Variants in SCN4B observed in about 807,000 individuals in gnomAD.
SCN4B encodes sodium voltage-gated channel beta subunit 4, also known as sodium channel regulatory subunit beta-4.
A neutral mutation model predicts 19.6 loss-of-function variants in SCN4B; 20 were observed. The ratio of observed to expected loss-of-function variants is 1.02; its 90% CI spans 0.72 to 1.48. The LOEUF (loss-of-function observed/expected upper bound fraction) is 1.48, where lower values mean the gene tolerates loss of function less well. Among genes scored for constraint, SCN4B ranks in the 40% most tolerant of loss-of-function variants. SCN4B has a pLI of 0.00. For missense variants in SCN4B, 271 were observed against 287.5 expected, an observed-to-expected ratio of 0.94 and a Z score of 0.42; for synonymous variants, 127 against 122.8, an observed-to-expected ratio of 1.03 and a Z score of -0.22.
chr11:118,133,886 C>G lies in SCN4B; in HGVS notation c.*3141G>C, dbSNP rs745426856. On this transcript the variant is annotated 3_prime_UTR_variant, in exon 5 of 5. Transcript: ENST00000324727. ...CTTTCTCAGTCTCCAGATGCCTCAA[C>G]AGGCATAGCTCAGGCCAAGAAAGAC... The G allele has an allele frequency of 2.2e-6, 1 of 454,464 alleles. No individual in the cohort carries two copies. Among genetic ancestry groups the G allele is most frequent in the Admixed American group, 2.3e-5 (1 of 42,580 alleles). 28.2% of individuals were successfully genotyped at this position (454,464 alleles called of 1,614,324 possible).
rs1031697612 is a variant in SCN4B, at chr11:118,152,757, G to A, written c.-84C>T. On this transcript the variant is annotated 5_prime_UTR_variant, in exon 1 of 5. Transcript: ENST00000324727. ...CGCTCTCCGCCCGAGGTCGGCGTTC[G>A]GCCACAAAGCTACCCCGGAGCTCTG... is the stretch of plus-strand genomic sequence containing the variant. 12 of 1,140,388 alleles carry A rather than the reference G, an allele frequency of 1.1e-5. No individual in the cohort carries two copies. Among genetic ancestry groups the A allele is most frequent in the Non-Finnish European group, 1.5e-5 (12 of 811,102 alleles). 70.6% of individuals were successfully genotyped at this position (1,140,388 alleles called of 1,614,324 possible). A position where few individuals can be genotyped will look rare whatever the true frequency, so the allele number is the denominator to read the frequency against.
intron 1 of SCN4B, among the ~76,000 whole-genome samples, chr11:118,146,886 ACCAGGGCT>A (rs1948183795): frequency 1.3e-5 from 2 of 152,174 alleles, no homozygotes; most frequent in Non-Finnish European, 2.9e-5. Flanking sequence ...AGATCTACCC[ACCAGGGCT>A]CCAATTAGTG....
chr11:118,135,489 T>C lies in SCN4B; in HGVS notation c.*1538A>G, dbSNP rs900330918. On this transcript the variant is annotated 3_prime_UTR_variant, in exon 5 of 5. Coordinates refer to ENST00000324727, the MANE Select transcript of SCN4B (RefSeq NM_174934.4). ...ATTGGAAGTAGATGGGCAGAGAGGCTTGTTACCACTTTTCCCTGCCATCCC... is the reference window on the plus strand; with the variant it reads ...ATTGGAAGTAGATGGGCAGAGAGGCCTGTTACCACTTTTCCCTGCCATCCC... 1.8e-5 allele frequency: 8 copies of C among 453,936 alleles called. No homozygotes were observed. Among genetic ancestry groups the C allele is most frequent in the Non-Finnish European group, 3.5e-5 (8 of 226,772 alleles). 28.1% of individuals were successfully genotyped at this position (453,936 alleles called of 1,614,324 possible). A position where few individuals can be genotyped will look rare whatever the true frequency, so the allele number is the denominator to read the frequency against.
At chr11:118,144,632 G>C (rs553412955) in intron 2 of SCN4B, among the ~76,000 whole-genome samples, 2 of 152,166 alleles carry the variant, frequency 1.3e-5, no homozygotes, top group South Asian at 2.1e-4. Context: ...CCGCGCCAAT[G>C]CTCCTGCAGC....
intron 3 of SCN4B, chr11:118,143,008 G>A (rs537112034): frequency 1.3e-5 from 2 of 152,378 alleles, no homozygotes; most frequent in East Asian, 3.9e-4. Flanking sequence ...TGTCATCCAG[G>A]AGAGCAGCAA....
At chr11:118,145,576 G>T in intron 1 of SCN4B, 2 of 806,542 alleles carry the variant, frequency 2.5e-6, no homozygotes, top group South Asian at 1.7e-5. Flanking sequence ...GCCTGGAAGC[G>T]CTCCTGCCGC....
At chr11:118,137,171 G>A (rs761093370) in intron 4 of SCN4B, 51 bp from the exon 5 acceptor site, 1 of 1,387,180 alleles carries the variant, frequency 7.2e-7, no homozygotes, top group South Asian at 1.2e-5. Context: ...CAAGAGTAGG[G>A]GGAGAATTGT....
intron 4 of SCN4B, among the ~76,000 whole-genome samples, chr11:118,140,285 C>T (rs143793759): frequency 7.7e-4 from 118 of 152,288 alleles, no homozygotes; most frequent in African/African-American, 2.6e-3. Flanking sequence ...CTGGGGTCCT[C>T]CCCTGCTCCC....
Position 118,134,540 on chromosome 11 carries a change from C to G in SCN4B, c.*2487G>C, listed in dbSNP as rs886047718. ...TTAGTAGTGCCCCCACGCATGGGGG[C>G]AACCAAAAATGCCCCCCCTACAATC... On this transcript the variant is annotated 3_prime_UTR_variant, in exon 5 of 5. Transcript: ENST00000324727. 3 of 453,962 alleles carry G rather than the reference C, an allele frequency of 6.6e-6. No homozygotes were observed. 28.1% of individuals were successfully genotyped at this position (453,962 alleles called of 1,614,324 possible).
chr11:118,134,803 C>T lies in SCN4B; in HGVS notation c.*2224G>A, dbSNP rs1183627220. On this transcript the variant is annotated 3_prime_UTR_variant, in exon 5 of 5. Coordinates refer to ENST00000324727, the MANE Select transcript of SCN4B (RefSeq NM_174934.4). ...ATACCTGGCTTCCCAGATCCCTTTC[C>T]AAGCCAAAAAGATGTTTTTAGACAA... 4.4e-6 allele frequency: 2 copies of T among 454,032 alleles called. No individual in the cohort carries two copies. The highest frequency in any genetic ancestry group is 8.8e-6 in the Non-Finnish European group (2 of 226,754). 28.1% of individuals were successfully genotyped at this position (454,032 alleles called of 1,614,324 possible).
rs552289279 is a variant in SCN4B, at chr11:118,148,137, C to T, written c.62-2908G>A. ...TGCAAGTGAAGCATTGCCATTTCCT[C>T]AGTAGCTGGGAGGGGAAAATGAAAA... is the stretch of plus-strand genomic sequence containing the variant. On this transcript the variant is annotated intron_variant, in intron 1 of 4. Transcript: ENST00000324727. The surrounding 1 kb of genome is among the most constrained non-coding windows in gnomAD (Gnocchi z 4.0). Among the ~76,000 whole-genome samples, 1 of 152,314 alleles carries T rather than the reference C, an allele frequency of 6.6e-6. No homozygotes were observed. Among genetic ancestry groups the T allele is most frequent in the Admixed American group, 6.5e-5 (1 of 15,314 alleles).
intron 3 of SCN4B, 42 bp downstream of exon 3, chr11:118,143,791 T>G (rs767835055): frequency 2.7e-6 from 4 of 1,482,468 alleles, no homozygotes; most frequent in Admixed American, 3.4e-5. Flanking sequence ...GCCTCCCAAG[T>G]CCTTCCCACG....
intron 3 of SCN4B, chr11:118,141,828 CA>C (rs1948103056): frequency 5.2e-6 from 1 of 192,704 alleles, no homozygotes; most frequent in African/African-American, 2.4e-5. Flanking sequence ...CAATGTTGGG[CA>C]GGTCATTGAA....
intron 1 of SCN4B, among the ~76,000 whole-genome samples, chr11:118,146,678 C>G (rs1355551372): frequency 1.3e-5 from 2 of 152,212 alleles, no homozygotes; most frequent in African/African-American, 4.8e-5. Flanking sequence ...TAAAATCACA[C>G]CCCGTGGTCC....
At position 118,134,530 on chromosome 11, in the gene SCN4B, C is replaced by T. The variant is rs181429015; in HGVS notation, c.*2497G>A. ...TTTAGCATTCTTAGTAGTGCCCCCA[C>T]GCATGGGGGCAACCAAAAATGCCCC... On this transcript the variant is annotated 3_prime_UTR_variant, in exon 5 of 5. Coordinates refer to ENST00000324727, the MANE Select transcript of SCN4B (RefSeq NM_174934.4). The T allele has an allele frequency of 7.8e-4, 356 of 454,084 alleles. No individual in the cohort carries two copies. Among genetic ancestry groups the T allele is most frequent in the African/African-American group, 5.5e-3 (275 of 50,114 alleles). 28.1% of individuals were successfully genotyped at this position (454,084 alleles called of 1,614,324 possible). A position where few individuals can be genotyped will look rare whatever the true frequency, so the allele number is the denominator to read the frequency against.
chr11:118,133,999 C>A lies in SCN4B; in HGVS notation c.*3028G>T, dbSNP rs751817814. 3.1e-5 allele frequency: 14 copies of A among 454,638 alleles called. No homozygotes were observed. Among genetic ancestry groups the A allele is most frequent in the Non-Finnish European group, 5.3e-5 (12 of 226,794 alleles). 28.2% of individuals were successfully genotyped at this position (454,638 alleles called of 1,614,324 possible). A position where few individuals can be genotyped will look rare whatever the true frequency, so the allele number is the denominator to read the frequency against. ...CTCCACAGTTACGCTGCCATGCACC[C>A]ACACTGCCTGCACACGCACACTCCA... On this transcript the variant is annotated 3_prime_UTR_variant, in exon 5 of 5. Coordinates refer to ENST00000324727, the MANE Select transcript of SCN4B (RefSeq NM_174934.4).
rs1490947644 is a variant in SCN4B, at chr11:118,148,205, G to A, written c.62-2976C>T. On this transcript the variant is annotated intron_variant, in intron 1 of 4. Transcript: ENST00000324727. This position sits in a 1 kb window ranked among gnomAD's most constrained non-coding sequence, Gnocchi z 4.0. ...ACAGAGTCCAGAGCCCTGCCCGAGT[G>A]AAAGCATCAGAGAGGGTGGGCAAGC... Among the ~76,000 whole-genome samples, 2 of 152,242 alleles carry A rather than the reference G, an allele frequency of 1.3e-5. No individual in the cohort carries two copies. Among genetic ancestry groups the A allele is most frequent in the East Asian group, 1.9e-4 (1 of 5,196 alleles).
rs1380031434 is a variant in SCN4B at position 118,136,852 on chromosome 11, G to A, written c.*175C>T. ...CCATCCCTTGTCCCTGGGGAGCCCT[G>A]ACTGGGAAGGGGATGGGCAGGCTGG... On this transcript the variant is annotated 3_prime_UTR_variant, in exon 5 of 5. Coordinates refer to ENST00000324727, the MANE Select transcript of SCN4B (RefSeq NM_174934.4). The A allele has an allele frequency of 2.9e-6, 2 of 691,044 alleles. No individual in the cohort carries two copies. The highest frequency in any genetic ancestry group is 5.3e-6 in the Non-Finnish European group (2 of 377,264). 42.8% of individuals were successfully genotyped at this position (691,044 alleles called of 1,614,324 possible). A position where few individuals can be genotyped will look rare whatever the true frequency, so the allele number is the denominator to read the frequency against.
intron 1 of SCN4B, among the ~76,000 whole-genome samples, chr11:118,149,681 G>C (rs2135508715): frequency 6.6e-6 from 1 of 152,300 alleles, no homozygotes; most frequent in South Asian, 2.1e-4. Context: ...CAGCATGCCT[G>C]TCCCTCCTCT....
Sources: allele counts gnomAD v4.1 joint callset (sites outside exome capture counted in the v4.1 genomes callset), GRCh38; gene constraint gnomAD v4.1.1; non-coding constraint Gnocchi (gnomAD v3.1); transcripts MANE v1.5; gene names NCBI Gene and HGNC (gene_info 2026-07-23, HGNC 2026-07-21).